Variants in THSD7A observed in about 807,000 individuals in gnomAD.
THSD7A encodes the protein thrombospondin type-1 domain-containing protein 7A.
THSD7A carries 96 observed loss-of-function variants against 231.3 expected under a neutral mutation model. That is an observed-to-expected ratio of 0.41 (90% CI 0.35 to 0.49). The LOEUF (loss-of-function observed/expected upper bound fraction) is 0.49. Ranked by LOEUF, THSD7A falls within the 20% of genes least tolerant of loss-of-function variation. THSD7A has a pLI of 0.05. For synonymous variants in THSD7A, 940 were observed against 743.3 expected, an observed-to-expected ratio of 1.26 and a Z score of -4.30; for missense variants, 2,290 against 2,070.2, an observed-to-expected ratio of 1.11 and a Z score of -2.06.
At chr7:11,610,137 T>G (rs775459081) in intron 2 of THSD7A, among the ~76,000 whole-genome samples, 5 of 152,168 alleles carry the variant, frequency 3.3e-5, no homozygotes, top group African/African-American at 4.8e-5. Flanking sequence ...TTTTTAGTAG[T>G]AACTTTCCTC....
intron 9 of THSD7A, among the ~76,000 whole-genome samples, chr7:11,468,063 A>G (rs1255534349): frequency 6.6e-6 from 1 of 152,108 alleles, no homozygotes; most frequent in African/African-American, 2.4e-5. Flanking sequence ...ACAAGAAAAT[A>G]TCCAAAATAA....
At chr7:11,727,362 C>T (rs540177415) in intron 1 of THSD7A, among the ~76,000 whole-genome samples, 8 of 152,028 alleles carry the variant, frequency 5.3e-5, no homozygotes, top group African/African-American at 1.7e-4. Flanking sequence ...AGCAATCCCC[C>T]TTCTTGATCC....
At position 11,636,677 on chromosome 7, in the gene THSD7A, C is replaced by G. The variant is rs375485239; in HGVS notation, c.475G>C (p.Ala159Pro). The change falls in exon 2 of 28, where the codon GCG becomes CCG. Residue 159 changes from alanine to proline, a missense_variant. By Grantham distance (27) the Ala-to-Pro change is conservative. Transcript: ENST00000423059. This position sits in a 1 kb window ranked among gnomAD's most constrained non-coding sequence, Gnocchi z 10.0. ...GEEGIQVREI[A>P]CIQKDKDIPA... ...ATGTCTTTGTCTTTCTGGATGCACG[C>G]TATCTCCCTCACCTGAATACCTTCT... 74 of 1,613,900 alleles carry G rather than the reference C, an allele frequency of 4.6e-5. No individual in the cohort carries two copies. Among genetic ancestry groups the G allele is most frequent in the South Asian group, 9.9e-5 (9 of 91,094 alleles).
rs1562563734 is a variant in THSD7A, at chr7:11,382,510, T to C, written c.4507+11A>G. ...AGATTTTCAAAGGACAAAGAGAAAC[T>C]GGAGGTTTACCTGTTACATTTATAC... On this transcript the variant is annotated intron_variant, in intron 24 of 27. Transcript: ENST00000423059. 3.1e-6 allele frequency: 5 copies of C among 1,603,576 alleles called. No homozygotes were observed. The highest frequency in any genetic ancestry group is 3.4e-6 in the Non-Finnish European group (4 of 1,171,330).
rs751226726 is a variant in THSD7A at position 11,474,477 on chromosome 7, G to A, written c.2109C>T (p.Pro703=). 1 of 1,613,556 alleles carries A rather than the reference G, an allele frequency of 6.2e-7. No individual in the cohort carries two copies. Among genetic ancestry groups the A allele is most frequent in the South Asian group, 1.1e-5 (1 of 91,070 alleles). Residue 703 remains proline (P), a synonymous_variant, in exon 8 of 28, where the codon CCC becomes CCT. Coordinates refer to ENST00000423059, the MANE Select transcript of THSD7A (RefSeq NM_015204.3). The surrounding 1 kb of genome is among the most constrained non-coding windows in gnomAD (Gnocchi z 4.1). ...PCTVYHWQTG[P]WGQCIEDTSV... is the part of the protein sequence containing the mutation. The stretch of plus-strand genomic sequence containing the variant: ...AGGTGTCCTCAATGCACTGGCCCCA[G>A]GGACCAGTTTGCCAGTGGTACACTG...
intron 1 of THSD7A, among the ~76,000 whole-genome samples, chr7:11,698,522 G>C (rs1293615898): frequency 6.6e-6 from 1 of 151,294 alleles, no homozygotes; most frequent in Admixed American, 6.6e-5. Flanking sequence ...CAAGTAGCCA[G>C]GCAACTTCCC....
intron 1 of THSD7A, among the ~76,000 whole-genome samples, chr7:11,769,428 G>C (rs1391480559): frequency 6.6e-6 from 1 of 151,650 alleles, no homozygotes; most frequent in Non-Finnish European, 1.5e-5. Flanking sequence ...TGGGACTTAA[G>C]GCAGTGAGTC....
chr7:11,394,266 T>C (rs1783095781), intron 23 of THSD7A, among the ~76,000 whole-genome samples: 1 of 152,116 alleles, frequency 6.6e-6, no homozygotes, highest in South Asian at 2.1e-4. Context: ...CAAACTAAGC[T>C]TCATAAGCAA....
chr7:11,411,213 A>G lies in THSD7A; in HGVS notation c.3792T>C (p.Cys1264=). The G allele has an allele frequency of 6.2e-7, 1 of 1,612,206 alleles. No homozygotes were observed. The highest frequency in any genetic ancestry group is 8.5e-7 in the Non-Finnish European group (1 of 1,178,568). The change falls in exon 19 of 28, where the codon TGT becomes TGC. Residue 1264 remains cysteine (C), a synonymous_variant. Coordinates refer to ENST00000423059, the MANE Select transcript of THSD7A (RefSeq NM_015204.3). The surrounding 1 kb of genome is among the most constrained non-coding windows in gnomAD (Gnocchi z 4.1). Reference sequence around the variant, plus strand: ...TAACACAGCATCCACCTACCGCTTCACAATATTTCAGGTCAACTGACTTGC... The same window carrying G: ...TAACACAGCATCCACCTACCGCTTCGCAATATTTCAGGTCAACTGACTTGC... ...SDGKSVDLKY[C]EALGLEKNWQ... is the part of the protein sequence containing the mutation.
At chr7:11,481,577 A>G (rs1440996701) in intron 7 of THSD7A, among the ~76,000 whole-genome samples, 5 of 152,178 alleles carry the variant, frequency 3.3e-5, no homozygotes, top group Admixed American at 2.0e-4. Flanking sequence ...TCACTTTTAA[A>G]AAGTCTTTCT....
chr7:11,750,836 GTAA>G (rs1352858032), intron 1 of THSD7A, among the ~76,000 whole-genome samples: 2 of 151,992 alleles, frequency 1.3e-5, no homozygotes, highest in East Asian at 3.9e-4. Flanking sequence ...AGGAATGACA[GTAA>G]TACACTTATT....
At chr7:11,725,900 C>T (rs10231700) in intron 1 of THSD7A, among the ~76,000 whole-genome samples, 4,000 of 151,866 alleles carry the variant, frequency 0.026, 172 homozygotes, top group African/African-American at 0.092. Flanking sequence ...AATATTGTTG[C>T]AACATAAAAT....
intron 4 of THSD7A, among the ~76,000 whole-genome samples, chr7:11,566,278 A>G (rs966629329): frequency 2.0e-5 from 3 of 152,186 alleles, no homozygotes; most frequent in Non-Finnish European, 4.4e-5. Flanking sequence ...TTTTCAGTAC[A>G]TGTCTCCATT....
intron 9 of THSD7A, 129 bp from the exon 10 acceptor site, chr7:11,462,272 G>T: frequency 3.3e-6 from 3 of 909,680 alleles, no homozygotes; most frequent in South Asian, 5.3e-5. Flanking sequence ...GGCTTCACCT[G>T]GTCTAAACAT....
In THSD7A at chr7:11,411,276, T is replaced by C. The variant is rs960850241; in HGVS notation, c.3729A>G (p.Gly1243=). Residue 1243 remains glycine (G), a synonymous_variant, in exon 19 of 28, where the codon GGA becomes GGG. Coordinates refer to ENST00000423059, the MANE Select transcript of THSD7A (RefSeq NM_015204.3). The surrounding 1 kb of genome is among the most constrained non-coding windows in gnomAD (Gnocchi z 4.1). ...QLSEKAVCGN[G]IKTRMLDCVR... ...CACAATCCAACATCCTTGTTTTTAT[T>C]CCATTTCCACAAACTGCCTTCTCAC... The C allele has an allele frequency of 6.2e-7, 1 of 1,613,888 alleles. No homozygotes were observed. Among genetic ancestry groups the C allele is most frequent in the South Asian group, 1.1e-5 (1 of 91,068 alleles).
chr7:11,789,580 G>A (rs1222471270), intron 1 of THSD7A, among the ~76,000 whole-genome samples: 4 of 150,186 alleles, frequency 2.7e-5, no homozygotes, highest in Non-Finnish European at 5.9e-5. Flanking sequence ...TTCTTTTCTG[G>A]TAAGAACACT....
chr7:11,430,425 A>G (rs1784444736), intron 13 of THSD7A, among the ~76,000 whole-genome samples: 1 of 152,136 alleles, frequency 6.6e-6, no homozygotes, highest in African/African-American at 2.4e-5. Context: ...TGCCTAATCT[A>G]GACATTTCAT....
In THSD7A at chr7:11,804,155, T is replaced by C. The variant is rs145353263; in HGVS notation, c.190+27602A>G. 2.5e-3 allele frequency among the ~76,000 whole-genome samples: 384 copies of C among 152,298 alleles called. 1 individual carries two copies. Among genetic ancestry groups the C allele is most frequent in the African/African-American group, 8.9e-3 (371 of 41,574 alleles). Reference sequence around the variant, plus strand: ...TTTTGCCTTGCCATTAAAGACTACCTATCATTAATAGAATTTTTTGTCATT... The same window carrying C: ...TTTTGCCTTGCCATTAAAGACTACCCATCATTAATAGAATTTTTTGTCATT... On this transcript the variant is annotated intron_variant, in intron 1 of 27. Coordinates refer to ENST00000423059, the MANE Select transcript of THSD7A (RefSeq NM_015204.3).
In THSD7A at chr7:11,637,669, T is replaced by C. The variant is rs377251202; in HGVS notation, c.191-708A>G. On this transcript the variant is annotated intron_variant, in intron 1 of 27. Transcript: ENST00000423059. This position sits in a 1 kb window ranked among gnomAD's most constrained non-coding sequence, Gnocchi z 4.2. ...AAAGACTTTTGCAATTTTCTAATCA[T>C]TGAGAGGTTATTTGGGGTCTTATTT... 6.6e-6 allele frequency among the ~76,000 whole-genome samples: 1 copy of C among 152,288 alleles called. No individual in the cohort carries two copies. The highest frequency in any genetic ancestry group is 2.1e-4 in the South Asian group (1 of 4,832).
Sources: gnomAD v4.1 joint callset for allele counts (sites outside exome capture counted in the v4.1 genomes callset) on GRCh38, gnomAD v4.1.1 for gene constraint, Gnocchi (gnomAD v3.1) non-coding constraint, MANE v1.5 for transcripts, NCBI Gene and HGNC (gene_info 2026-07-23, HGNC 2026-07-21) for gene names.